FGGY: variants seen among roughly 807,000 people sequenced by gnomAD.
The protein encoded by FGGY is FGGY carbohydrate kinase domain containing.
Under a neutral mutation model 71.3 loss-of-function variants are expected in FGGY, and 72 were observed. That is an observed-to-expected ratio of 1.01 (90% CI 0.84 to 1.23). FGGY has a LOEUF of 1.23. Among genes scored for constraint, FGGY ranks in the 50% most tolerant of loss-of-function variants. The probability of loss-of-function intolerance (pLI) is 0.00; values close to 1 mark genes in which losing one functional copy is unlikely to be tolerated. For synonymous variants in FGGY, 251 were observed against 250.3 expected, an observed-to-expected ratio of 1.00 and a Z score of -0.02; for missense variants, 668 against 682.3, an observed-to-expected ratio of 0.98 and a Z score of 0.23.
intron 14 of FGGY, chr1:59,699,474 A>G: frequency 2.3e-6 from 2 of 870,334 alleles, no homozygotes; most frequent in Non-Finnish European, 2.8e-6. Context: ...TAAAATCTCA[A>G]AAACAACCCC....
intron 6 of FGGY, among the ~76,000 whole-genome samples, chr1:59,459,045 G>A (rs74084848): frequency 0.039 from 5,985 of 152,180 alleles, 378 homozygotes; most frequent in African/African-American, 0.14. Flanking sequence ...GCAGATTTGA[G>A]CATTGAGCGT....
At chr1:59,380,248 A>G (rs1314788228) in intron 5 of FGGY, among the ~76,000 whole-genome samples, 1 of 151,632 alleles carries the variant, frequency 6.6e-6, no homozygotes, top group Non-Finnish European at 1.5e-5. Context: ...TAGTGCCACA[A>G]TAAACATACA....
intron 12 of FGGY, among the ~76,000 whole-genome samples, chr1:59,663,094 C>T (rs2153964625): frequency 6.6e-6 from 1 of 152,302 alleles, no homozygotes; most frequent in Non-Finnish European, 1.5e-5. Flanking sequence ...ATGACAGTTA[C>T]CTTTCGTCAG....
At chr1:59,448,289 A>G (rs1035780092) in intron 5 of FGGY, among the ~76,000 whole-genome samples, 1 of 152,198 alleles carries the variant, frequency 6.6e-6, no homozygotes, top group Non-Finnish European at 1.5e-5. Flanking sequence ...TCAATCTGGC[A>G]TCTTTAATCA....
intron 4 of FGGY, among the ~76,000 whole-genome samples, chr1:59,372,861 C>T (rs1026801280): frequency 1.4e-5 from 2 of 143,928 alleles, no homozygotes; most frequent in African/African-American, 3.0e-5. Context: ...ATTCAACAAC[C>T]CTTCATGCTA....
chr1:59,390,384 G>A (rs1279370653), intron 5 of FGGY, among the ~76,000 whole-genome samples: 1 of 152,108 alleles, frequency 6.6e-6, no homozygotes, highest in Non-Finnish European at 1.5e-5. Context: ...CTTTTTTGAT[G>A]TTTTTTAGTC....
chr1:59,515,608 G>A (rs2094624300), intron 7 of FGGY, among the ~76,000 whole-genome samples: 1 of 152,170 alleles, frequency 6.6e-6, no homozygotes, highest in South Asian at 2.1e-4. Context: ...GGGACTTAGG[G>A]GGAGGGAATT....
At chr1:59,483,734 C>T (rs551581721) in intron 6 of FGGY, among the ~76,000 whole-genome samples, 1 of 152,154 alleles carries the variant, frequency 6.6e-6, no homozygotes, top group East Asian at 1.9e-4. Flanking sequence ...CCTATGGTGA[C>T]AGTTTAAATC....
At chr1:59,323,107 T>C (rs1443138569) in intron 2 of FGGY, among the ~76,000 whole-genome samples, 1 of 152,180 alleles carries the variant, frequency 6.6e-6, no homozygotes, top group African/African-American at 2.4e-5. Flanking sequence ...AATTTTCCTC[T>C]CCTCTCCCCT....
intron 6 of FGGY, among the ~76,000 whole-genome samples, chr1:59,510,397 G>A (rs1374963865): frequency 6.6e-6 from 1 of 152,174 alleles, no homozygotes; most frequent in Non-Finnish European, 1.5e-5. Context: ...AAACTGGAGT[G>A]CAGTCTCTCC....
intron 10 of FGGY, among the ~76,000 whole-genome samples, chr1:59,631,496 T>G (rs1237094683): frequency 6.6e-6 from 1 of 152,236 alleles, no homozygotes; most frequent in African/African-American, 2.4e-5. Flanking sequence ...GGACCCTTTA[T>G]GCTTCCGGTC....
chr1:59,565,155 G>A (rs926399334), intron 8 of FGGY, among the ~76,000 whole-genome samples: 1 of 152,058 alleles, frequency 6.6e-6, no homozygotes, highest in Non-Finnish European at 1.5e-5. Flanking sequence ...GTTTATCATG[G>A]TCTATTTGGA....
At chr1:59,512,901 A>G (rs1223429150) in intron 7 of FGGY, among the ~76,000 whole-genome samples, 1 of 152,140 alleles carries the variant, frequency 6.6e-6, no homozygotes, top group Non-Finnish European at 1.5e-5. Context: ...TCTTTCATTC[A>G]TGTATTCATT....
intron 4 of FGGY, among the ~76,000 whole-genome samples, chr1:59,360,500 G>C (rs561522768): frequency 6.6e-6 from 1 of 152,316 alleles, no homozygotes; most frequent in African/African-American, 2.4e-5. Context: ...CAAGTGGCCA[G>C]GGCTTTCCCC....
chr1:59,420,626 A>G (rs1158096918), intron 5 of FGGY, among the ~76,000 whole-genome samples: 1 of 152,134 alleles, frequency 6.6e-6, no homozygotes, highest in Admixed American at 6.5e-5. Context: ...ATTATTTTTC[A>G]AGCTTGTAGG....
chr1:59,449,555 T>G (rs146252169), intron 5 of FGGY, among the ~76,000 whole-genome samples: 1 of 152,344 alleles, frequency 6.6e-6, no homozygotes, highest in Non-Finnish European at 1.5e-5. Flanking sequence ...GGTGCTGGGA[T>G]TATAGGCGTG....
At chr1:59,730,215 T>C (rs2098008261) in intron 14 of FGGY, among the ~76,000 whole-genome samples, 1 of 152,098 alleles carries the variant, frequency 6.6e-6, no homozygotes, top group Non-Finnish European at 1.5e-5. Context: ...GTCTGGGTTG[T>C]CCTTTCTCTT....
Position 59,539,577 on chromosome 1 carries a change from C to T in FGGY, c.800-14547C>T, listed in dbSNP as rs181736166. Among the ~76,000 whole-genome samples the T allele has an allele frequency of 1.3e-4, 20 of 152,220 alleles. No homozygotes were observed. The East Asian group carries it at 3.9e-3, about 29-fold the overall frequency. ...CTATGGCAGAAATTGAATTTTGGCC[C>T]TTCTCCTTATACTATGCATACAAAT... On this transcript the variant is annotated intron_variant, in intron 7 of 15. Transcript: ENST00000303721.
chr1:59,475,694 G>T (rs2093231292), intron 6 of FGGY, among the ~76,000 whole-genome samples: 1 of 152,182 alleles, frequency 6.6e-6, no homozygotes, highest in East Asian at 1.9e-4. Context: ...TTTCTGCTTT[G>T]CTCCAAAGTG....
Sources: gnomAD v4.1 joint callset for allele counts (sites outside exome capture counted in the v4.1 genomes callset) on GRCh38, gnomAD v4.1.1 for gene constraint, MANE v1.5 for transcripts, NCBI Gene and HGNC (gene_info 2026-07-23, HGNC 2026-07-21) for gene names.